MANBA: variants seen among roughly 807,000 people sequenced by gnomAD.
MANBA encodes beta-mannosidase.
A neutral mutation model predicts 111.1 loss-of-function variants in MANBA; 83 were observed. The observed-to-expected ratio is 0.75, with a 90% CI of 0.63 to 0.90. The LOEUF (loss-of-function observed/expected upper bound fraction) is 0.90, where lower values mean the gene tolerates loss of function less well. Ranked by LOEUF, MANBA falls within the 40% of genes least tolerant of loss-of-function variation. MANBA has a pLI of 0.00. For synonymous variants in MANBA, 370 were observed against 378.7 expected (o/e 0.98, Z 0.27); for missense variants, 1,036 against 1,069.0 (o/e 0.97, Z 0.43).
At chr4:102,722,605 C>A in intron 4 of MANBA, 1 of 437,812 alleles carries the variant, frequency 2.3e-6, no homozygotes, top group Non-Finnish European at 4.2e-6. Context: ...TGTAAAGTTC[C>A]ATTATCAGCC....
intron 1 of MANBA, chr4:102,751,324 C>A: frequency 2.9e-6 from 1 of 342,252 alleles, no homozygotes; most frequent in Non-Finnish European, 5.8e-6. Flanking sequence ...TAATTTTGAG[C>A]GGCCTCTTTG....
chr4:102,707,443 T>C (rs1733349818), intron 5 of MANBA, among the ~76,000 whole-genome samples: 1 of 152,124 alleles, frequency 6.6e-6, no homozygotes, highest in Non-Finnish European at 1.5e-5. Flanking sequence ...GAGTTCTACA[T>C]ATGGAAGCAA....
At chr4:102,755,624 A>T (rs1723980692) in intron 1 of MANBA, among the ~76,000 whole-genome samples, 1 of 152,244 alleles carries the variant, frequency 6.6e-6, no homozygotes. Flanking sequence ...GACAAATGGG[A>T]TCTAATTAAA....
At position 102,668,992 on chromosome 4, in the gene MANBA, C is replaced by T; in HGVS notation, c.1288G>A (p.Asp430Asn). Residue 430 changes from aspartate to asparagine, a missense_variant, in exon 10 of 17, where the codon GAT (aspartate) becomes AAT (asparagine). Coordinates refer to ENST00000647097, the MANE Select transcript of MANBA (RefSeq NM_005908.4). ...TAGGCAACTTCTGCTGTCACTGAAT[C>T]CAGGAAGCCCTGATCAGTTGGATAA... Reference protein sequence around the residue: ...ALYPTDQGFLDSVTAEVAYQI... With the variant: ...ALYPTDQGFLNSVTAEVAYQI... The T allele has an allele frequency of 6.2e-7, 1 of 1,613,756 alleles. No individual in the cohort carries two copies. The highest frequency in any genetic ancestry group is 1.1e-5 in the South Asian group (1 of 90,974).
Position 102,747,816 on chromosome 4 carries a change from C to T in MANBA, c.177+12902G>A, listed in dbSNP as rs115768211. Among the ~76,000 whole-genome samples the T allele has an allele frequency of 7.6e-3, 1,154 of 152,242 alleles. 21 individuals are homozygous for T. Among genetic ancestry groups the T allele is most frequent in the African/African-American group, 0.026 (1,089 of 41,542 alleles). ...TTTAAGGAGAGTCCTAATTTTCTGA[C>T]CAAAGAGACTAAAACTTAAAAGGGA... On this transcript the variant is annotated intron_variant, in intron 1 of 16. Transcript: ENST00000647097.
chr4:102,645,397 C>T (rs1730059933), intron 13 of MANBA, among the ~76,000 whole-genome samples: 1 of 151,934 alleles, frequency 6.6e-6, no homozygotes, highest in Non-Finnish European at 1.5e-5. Flanking sequence ...AGTGTTTCCT[C>T]CTCTTATTAC....
chr4:102,697,979 G>A (rs1732812025), intron 5 of MANBA, among the ~76,000 whole-genome samples: 1 of 151,716 alleles, frequency 6.6e-6, no homozygotes, highest in South Asian at 2.1e-4. Context: ...CACCAACAGT[G>A]TAAAAGTGTT....
At position 102,636,306 on chromosome 4, in the gene MANBA, A is replaced by T. The variant is rs10007196; in HGVS notation, c.2015-299T>A. 0.17 allele frequency among the ~76,000 whole-genome samples: 26,181 copies of T among 152,226 alleles called. 3,098 individuals are homozygous for T. The highest frequency in any genetic ancestry group is 0.33 in the African/African-American group (13,490 of 41,488). On this transcript the variant is annotated intron_variant, in intron 14 of 16. Coordinates refer to ENST00000647097, the MANE Select transcript of MANBA (RefSeq NM_005908.4). ...GTGTACTTAAACAAACCAAGATGGT[A>T]TAGCCTACTACACACCTAGACTATA...
intron 5 of MANBA, among the ~76,000 whole-genome samples, chr4:102,707,065 T>TA (rs1335016271): frequency 6.6e-6 from 1 of 152,062 alleles, no homozygotes; most frequent in African/African-American, 2.4e-5. Flanking sequence ...AATATCTAGA[T>TA]AAAAAAATCT....
chr4:102,701,204 T>C (rs1176863447), intron 5 of MANBA, among the ~76,000 whole-genome samples: 2 of 151,798 alleles, frequency 1.3e-5, no homozygotes, highest in Non-Finnish European at 2.9e-5. Flanking sequence ...TTGTTTTCCA[T>C]TTGCTTGGTA....
At chr4:102,663,199 G>A (rs539646625) in intron 11 of MANBA, 4 of 151,636 alleles carry the variant, frequency 2.6e-5, no homozygotes, top group African/African-American at 9.7e-5. Flanking sequence ...GTTACTATGC[G>A]TCAGACTGAG....
chr4:102,736,948 C>T (rs1288006749), intron 1 of MANBA, among the ~76,000 whole-genome samples: 8 of 152,208 alleles, frequency 5.3e-5, no homozygotes, highest in Admixed American at 5.2e-4. Context: ...CTCTGGGAAC[C>T]TGAAAATTCA....
chr4:102,669,570 G>A (rs1731393232), intron 9 of MANBA, among the ~76,000 whole-genome samples: 2 of 152,214 alleles, frequency 1.3e-5, no homozygotes, highest in South Asian at 4.1e-4. Context: ...CCTGCTGGGA[G>A]CAGTGGCTCA....
chr4:102,721,032 T>C lies in MANBA; in HGVS notation c.549+1839A>G, dbSNP rs546977278. Among the ~76,000 whole-genome samples the C allele has an allele frequency of 6.4e-4, 97 of 152,336 alleles. 2 individuals are homozygous for C. The highest frequency in any genetic ancestry group is 2.2e-3 in the African/African-American group (93 of 41,566). ...TTCACAATGAGCCCAATCATTACAT[T>C]TGTTGTTAAAACTAAATTTCATGGC... On this transcript the variant is annotated intron_variant, in intron 4 of 16. Coordinates refer to ENST00000647097, the MANE Select transcript of MANBA (RefSeq NM_005908.4).
intron 1 of MANBA, chr4:102,753,766 T>C (rs1257237902): frequency 1.9e-5 from 3 of 159,492 alleles, no homozygotes; most frequent in East Asian, 3.8e-4. Flanking sequence ...TTTGAAAATA[T>C]ATAACAAAGG....
At chr4:102,637,777 C>T (rs1729695122) in intron 14 of MANBA, among the ~76,000 whole-genome samples, 1 of 152,218 alleles carries the variant, frequency 6.6e-6, no homozygotes, top group Admixed American at 6.5e-5. Context: ...TTAAAACATC[C>T]TCTGTAATAC....
At chr4:102,658,672 G>C (rs1197774979) in intron 11 of MANBA, among the ~76,000 whole-genome samples, 2 of 152,174 alleles carry the variant, frequency 1.3e-5, no homozygotes, top group Non-Finnish European at 2.9e-5. Context: ...TGGCTTCCTA[G>C]CCCATATGGG....
chr4:102,651,926 G>A (rs1447641838), intron 12 of MANBA, among the ~76,000 whole-genome samples: 2 of 151,128 alleles, frequency 1.3e-5, no homozygotes, highest in African/African-American at 4.9e-5. Context: ...GTCTTCCTAC[G>A]CTTCCTCCTC....
At chr4:102,664,560 G>A (rs1477883916) in intron 11 of MANBA, 125 bp downstream of exon 11, 7 of 808,406 alleles carry the variant, frequency 8.7e-6, no homozygotes, top group East Asian at 2.6e-5. Flanking sequence ...CCGTGGTCTC[G>A]ATCTCCTGAC....
Sources: allele counts gnomAD v4.1 joint callset (sites outside exome capture counted in the v4.1 genomes callset), GRCh38; gene constraint gnomAD v4.1.1; transcripts MANE v1.5; gene names NCBI Gene and HGNC (gene_info 2026-07-23, HGNC 2026-07-21).